Variants in NCCRP1 observed in about 807,000 individuals in gnomAD.
NCCRP1 encodes F-box only protein 50.
Under a neutral mutation model 34.4 loss-of-function variants are expected in NCCRP1, and 32 were observed. The observed-to-expected ratio is 0.93, with a 90% confidence interval of 0.70 to 1.25. NCCRP1 has a LOEUF of 1.25. NCCRP1 is among the 50% of genes most tolerant of loss of function. The pLI is 0.00. For missense variants in NCCRP1, 372 were observed against 391.8 expected (o/e 0.95, Z 0.43); for synonymous variants, 172 against 180.1 (o/e 0.95, Z 0.36).
rs751022589 is a variant in NCCRP1, at chr19:39,197,141, G to A, written c.159G>A (p.Pro53=). 5.8e-5 allele frequency: 87 copies of A among 1,496,300 alleles called. No individual in the cohort carries two copies. The highest frequency in any genetic ancestry group is 7.1e-5 in the Non-Finnish European group (80 of 1,132,252). The allele number at this position is 1,496,300 out of a possible 1,614,324, so 92.7% of individuals were successfully genotyped here. A position where few individuals can be genotyped will look rare whatever the true frequency, so the allele number is the denominator to read the frequency against. ...CGTCGCTGCCATCGCCCGCAGCCCC[G>A]GAGGCCCCCGAGCTCCCCGAGCCGG... The part of the protein sequence containing the change: ...SPPSLPSPAA[P]EAPELPEPAQ... The change falls in exon 1 of 6, where the codon CCG becomes CCA. Residue 53 remains proline (P), a synonymous_variant. Transcript: ENST00000339852.
rs1460150185 is a variant in NCCRP1 at position 39,197,440 on chromosome 19, C to T, written c.337+121C>T. On this transcript the variant is annotated intron_variant, in intron 1 of 5. Transcript: ENST00000339852. ...TCTGTCTATGCATTTCTCTGCATCCCTCTGTCTCTTTTTCTGTCATTGTGC... is the reference window on the plus strand; with the variant it reads ...TCTGTCTATGCATTTCTCTGCATCCTTCTGTCTCTTTTTCTGTCATTGTGC... The T allele has an allele frequency of 1.0e-5, 9 of 863,266 alleles. No homozygotes were observed. In the East Asian group the frequency reaches 2.9e-4, roughly 28 times the overall value. 53.5% of individuals were successfully genotyped at this position (863,266 alleles called of 1,614,324 possible). A position where few individuals can be genotyped will look rare whatever the true frequency, so the allele number is the denominator to read the frequency against.
intron 3 of NCCRP1, among the ~76,000 whole-genome samples, chr19:39,198,826 T>C (rs1262419199): frequency 6.6e-6 from 1 of 152,166 alleles, no homozygotes; most frequent in Non-Finnish European, 1.5e-5. Context: ...CCCAGGCCCC[T>C]GTCCTCCATG....
At position 39,200,242 on chromosome 19, in the gene NCCRP1, C is replaced by T. The variant is rs1461973974; in HGVS notation, c.549-104C>T. 4 of 1,465,526 alleles carry T rather than the reference C, an allele frequency of 2.7e-6. No individual in the cohort carries two copies. Among genetic ancestry groups the T allele is most frequent in the Non-Finnish European group, 3.7e-6 (4 of 1,068,176 alleles). 90.8% of individuals were successfully genotyped at this position (1,465,526 alleles called of 1,614,324 possible). ...GCACCACCCAGCTCAGGGCTGTGTA[C>T]AGCATGGGTAGCAGCATGTGTGTTG... On this transcript the variant is annotated intron_variant, in intron 4 of 5. Transcript: ENST00000339852. This position sits in a 1 kb window ranked among gnomAD's most constrained non-coding sequence, Gnocchi z 5.8.
chr19:39,199,400 A>T, intron 4 of NCCRP1, 135 bp downstream of exon 4: 2 of 678,466 alleles, frequency 2.9e-6, no homozygotes, highest in Non-Finnish European at 5.0e-6. Flanking sequence ...TGCCCTGCCC[A>T]CCTCCCTGGC....
rs558959987 is a variant in NCCRP1, at chr19:39,197,253, A to G, written c.271A>G (p.Thr91Ala). The G allele has an allele frequency of 1.2e-5, 18 of 1,489,472 alleles. No individual in the cohort carries two copies. In the South Asian group the frequency reaches 2.2e-4, roughly 18 times the overall value. The allele number at this position is 1,489,472 out of a possible 1,614,324, so 92.3% of individuals were successfully genotyped here. Reference sequence around the variant, plus strand: ...GGGCCTGGAGCTGCCCCAGCGCCTCACCTGGAAGCTGCTCCTGTTGCGGCG... The same window carrying G: ...GGGCCTGGAGCTGCCCCAGCGCCTCGCCTGGAAGCTGCTCCTGTTGCGGCG... ...SGGLELPQRLTWKLLLLRRPL... is the reference protein window; with the variant it reads ...SGGLELPQRLAWKLLLLRRPL... Residue 91 changes from threonine (T) to alanine (A), a missense_variant, in exon 1 of 6, where the codon ACC (threonine) becomes GCC (alanine). Coordinates refer to ENST00000339852, the MANE Select transcript of NCCRP1 (RefSeq NM_001001414.2).
intron 4 of NCCRP1, among the ~76,000 whole-genome samples, chr19:39,199,762 C>T (rs1327939048): frequency 6.6e-6 from 1 of 152,044 alleles, no homozygotes; most frequent in Non-Finnish European, 1.5e-5. Context: ...ATCTGCCTGC[C>T]TTGGCCTCCC....
Position 39,200,502 on chromosome 19 carries a change from G to A in NCCRP1, c.687+18G>A, listed in dbSNP as rs554359821. 305 of 1,611,538 alleles carry A rather than the reference G, an allele frequency of 1.9e-4. 2 individuals carry two copies. The South Asian group carries it at 2.9e-3, about 15-fold the overall frequency. On this transcript the variant is annotated intron_variant, in intron 5 of 5. Coordinates refer to ENST00000339852, the MANE Select transcript of NCCRP1 (RefSeq NM_001001414.2). The surrounding 1 kb of genome is among the most constrained non-coding windows in gnomAD (Gnocchi z 5.8). Reference sequence around the variant, plus strand: ...GGGTCCAGGTGAGACTCTCCGCGCCGGGGCCCTCAACCCCAGACGTGTGTT... The same window carrying A: ...GGGTCCAGGTGAGACTCTCCGCGCCAGGGCCCTCAACCCCAGACGTGTGTT...
In NCCRP1 at chr19:39,200,385, G is replaced by C. The variant is rs775808666; in HGVS notation, c.588G>C (p.Leu196=). The C allele has an allele frequency of 3.7e-5, 59 of 1,613,692 alleles. No individual in the cohort carries two copies. The highest frequency in any genetic ancestry group is 4.9e-5 in the Non-Finnish European group (58 of 1,180,024). The change falls in exon 5 of 6, where the codon CTG becomes CTC. Residue 196 remains leucine, a synonymous_variant. Coordinates refer to ENST00000339852, the MANE Select transcript of NCCRP1 (RefSeq NM_001001414.2). The surrounding 1 kb of genome is among the most constrained non-coding windows in gnomAD (Gnocchi z 5.8). The part of the protein sequence containing the change: ...DSRLDACVYE[L]HVWLLAADRR... ...GGCTGGATGCGTGCGTCTATGAGCTGCATGTCTGGCTGCTGGCGGCCGACC... is the reference window on the plus strand; with the variant it reads ...GGCTGGATGCGTGCGTCTATGAGCTCCATGTCTGGCTGCTGGCGGCCGACC...
rs1159892851 is a variant in NCCRP1, at chr19:39,200,789, C to G, written c.*33C>G. The G allele has an allele frequency of 6.3e-7, 1 of 1,583,510 alleles. No individual in the cohort carries two copies. Among genetic ancestry groups the G allele is most frequent in the Non-Finnish European group, 8.6e-7 (1 of 1,168,786 alleles). ...GCTCCTCTGTCCTGACCCCACAGCA[C>G]CTCCCTGACCTTTAGGAGCCCCAAC... On this transcript the variant is annotated 3_prime_UTR_variant, in exon 6 of 6. Coordinates refer to ENST00000339852, the MANE Select transcript of NCCRP1 (RefSeq NM_001001414.2). This position sits in a 1 kb window ranked among gnomAD's most constrained non-coding sequence, Gnocchi z 5.8.
At chr19:39,199,344 C>T in intron 4 of NCCRP1, 79 bp downstream of exon 4, 2 of 1,341,956 alleles carry the variant, frequency 1.5e-6, no homozygotes, top group Non-Finnish European at 2.1e-6. Flanking sequence ...CTGAGCTCCC[C>T]TTGCTTTCAG....
chr19:39,199,982 C>A (rs910392409), intron 4 of NCCRP1, among the ~76,000 whole-genome samples: 8 of 152,016 alleles, frequency 5.3e-5, no homozygotes, highest in African/African-American at 1.9e-4. Context: ...CAGCCCCAAC[C>A]CCTCTGCCTG....
chr19:39,200,258 A>T lies in NCCRP1; in HGVS notation c.549-88A>T. 1 of 1,525,748 alleles carries T rather than the reference A, an allele frequency of 6.6e-7. No homozygotes were observed. Among genetic ancestry groups the T allele is most frequent in the Non-Finnish European group, 9.0e-7 (1 of 1,116,610 alleles). The allele number at this position is 1,525,748 out of a possible 1,614,324, so 94.5% of individuals were successfully genotyped here. A position where few individuals can be genotyped will look rare whatever the true frequency, so the allele number is the denominator to read the frequency against. ...GGCTGTGTACAGCATGGGTAGCAGC[A>T]TGTGTGTTGAATGGGGAATGGGGCC... On this transcript the variant is annotated intron_variant, in intron 4 of 5. Coordinates refer to ENST00000339852, the MANE Select transcript of NCCRP1 (RefSeq NM_001001414.2). This position sits in a 1 kb window ranked among gnomAD's most constrained non-coding sequence, Gnocchi z 5.8.
Position 39,197,216 on chromosome 19 carries a change from GC to G in NCCRP1, c.236del (p.Pro79ArgfsTer2). 1 of 1,445,522 alleles carries G rather than the reference GC, an allele frequency of 6.9e-7. No individual in the cohort carries two copies. Among genetic ancestry groups the G allele is most frequent in the Non-Finnish European group, 9.0e-7 (1 of 1,111,424 alleles). 89.5% of individuals were successfully genotyped at this position (1,445,522 alleles called of 1,614,324 possible). A position where few individuals can be genotyped will look rare whatever the true frequency, so the allele number is the denominator to read the frequency against. On this transcript the variant is annotated frameshift_variant, in exon 1 of 6. Coordinates refer to ENST00000339852, the MANE Select transcript of NCCRP1 (RefSeq NM_001001414.2). LOFTEE classifies it high-confidence loss of function. ...ARQLLLEEWG[P>X]LSGGLELPQR... ...GGCAGCTGCTGCTGGAGGAGTGGGGGCCGCTGAGCGGGGGCCTGGAGCTGCC... is the reference window on the plus strand; with the variant it reads ...GGCAGCTGCTGCTGGAGGAGTGGGGGCGCTGAGCGGGGGCCTGGAGCTGCC...
rs11672471 is a variant in NCCRP1 at position 39,200,496 on chromosome 19, C to T, written c.687+12C>T. On this transcript the variant is annotated intron_variant, in intron 5 of 5. Transcript: ENST00000339852. This position sits in a 1 kb window ranked among gnomAD's most constrained non-coding sequence, Gnocchi z 5.8. The stretch of plus-strand genomic sequence containing the variant: ...GCCGCTGGGTCCAGGTGAGACTCTC[C>T]GCGCCGGGGCCCTCAACCCCAGACG... 4.7e-4 allele frequency: 755 copies of T among 1,612,302 alleles called. No individual in the cohort carries two copies. Among genetic ancestry groups the T allele is most frequent in the Non-Finnish European group, 5.9e-4 (696 of 1,179,690 alleles).
intron 3 of NCCRP1, 35 bp from the exon 4 acceptor site, chr19:39,199,135 C>A: frequency 6.3e-7 from 1 of 1,594,704 alleles, no homozygotes; most frequent in South Asian, 1.1e-5. Flanking sequence ...CCTGGCAGAT[C>A]GCAGACCCCG....
At chr19:39,198,607 G>A (rs1307063655) in intron 3 of NCCRP1, among the ~76,000 whole-genome samples, 1 of 152,070 alleles carries the variant, frequency 6.6e-6, no homozygotes, top group Non-Finnish European at 1.5e-5. Context: ...TTATAGGTGT[G>A]CGCCATCATG....
intron 3 of NCCRP1, 23 bp from the exon 4 acceptor site, chr19:39,199,147 C>G (rs953386569): frequency 1.2e-6 from 2 of 1,610,392 alleles, no homozygotes; most frequent in African/African-American, 2.7e-5. Flanking sequence ...CAGACCCCGC[C>G]TCTCCCGGCC....
chr19:39,198,002 G>A lies in NCCRP1; in HGVS notation c.338-51G>A, dbSNP rs138559231. ...CCCTGCGGGTAGGGAGGGGTGAGGC[G>A]GTGGAAGATGGAGGGGCTGCCCAGA... On this transcript the variant is annotated intron_variant, in intron 1 of 5. Coordinates refer to ENST00000339852, the MANE Select transcript of NCCRP1 (RefSeq NM_001001414.2). The A allele has an allele frequency of 1.8e-4, 287 of 1,595,560 alleles. 3 individuals are homozygous for A. The East Asian group carries it at 5.8e-3, about 33-fold the overall frequency.
chr19:39,200,259 T>C lies in NCCRP1; in HGVS notation c.549-87T>C, dbSNP rs2074781971. The C allele has an allele frequency of 2.6e-6, 4 of 1,514,876 alleles. No individual in the cohort carries two copies. Among genetic ancestry groups the C allele is most frequent in the African/African-American group, 1.4e-5 (1 of 73,392 alleles). 93.8% of individuals were successfully genotyped at this position (1,514,876 alleles called of 1,614,324 possible). A position where few individuals can be genotyped will look rare whatever the true frequency, so the allele number is the denominator to read the frequency against. The stretch of plus-strand genomic sequence containing the variant: ...GCTGTGTACAGCATGGGTAGCAGCA[T>C]GTGTGTTGAATGGGGAATGGGGCCA... On this transcript the variant is annotated intron_variant, in intron 4 of 5. Coordinates refer to ENST00000339852, the MANE Select transcript of NCCRP1 (RefSeq NM_001001414.2). The surrounding 1 kb of genome is among the most constrained non-coding windows in gnomAD (Gnocchi z 5.8).
Sources: allele counts gnomAD v4.1 joint callset (sites outside exome capture counted in the v4.1 genomes callset), GRCh38; gene constraint gnomAD v4.1.1; non-coding constraint Gnocchi (gnomAD v3.1); transcripts MANE v1.5; gene names NCBI Gene and HGNC (gene_info 2026-07-23, HGNC 2026-07-21).